ANO6: variants seen among roughly 807,000 people sequenced by gnomAD.
ANO6 encodes anoctamin-6.
Under a neutral mutation model 117.5 loss-of-function variants are expected in ANO6, and 106 were observed. The observed-to-expected ratio is 0.90, with a 90% CI of 0.77 to 1.06. The LOEUF (loss-of-function observed/expected upper bound fraction) is 1.06, where lower values mean the gene tolerates loss of function less well. ANO6 is among the 50% of genes least tolerant of loss of function. The pLI is 0.00. For synonymous variants in ANO6, 367 were observed against 385.1 expected, an observed-to-expected ratio of 0.95 and a Z score of 0.55; for missense variants, 955 against 1,121.1, an observed-to-expected ratio of 0.85 and a Z score of 2.12.
intron 1 of ANO6, among the ~76,000 whole-genome samples, chr12:45,252,488 T>TTTG (rs767980278): frequency 1.3e-5 from 2 of 152,218 alleles, no homozygotes; most frequent in East Asian, 1.9e-4. Flanking sequence ...GGTGGGTTTT[T>TTTG]TTGTTGTTGT....
intron 12 of ANO6, among the ~76,000 whole-genome samples, chr12:45,401,342 T>C (rs1323009486): frequency 2.6e-5 from 4 of 152,198 alleles, no homozygotes; most frequent in Admixed American, 6.5e-5. Flanking sequence ...GCAAAAAACA[T>C]TAACTCACAA....
rs377497485 is a variant in ANO6, at chr12:45,388,121, T to C, written c.1166-40T>C. 1.4e-5 allele frequency: 22 copies of C among 1,611,966 alleles called. No individual in the cohort carries two copies. In the African/African-American group the frequency reaches 2.8e-4, roughly 21 times the overall value. ...GTACAGATTTCTGAAACATCAGTCA[T>C]CATTGAAAATCCACACAAGCTCTTC... On this transcript the variant is annotated intron_variant, in intron 10 of 19. Coordinates refer to ENST00000320560, the MANE Select transcript of ANO6 (RefSeq NM_001025356.3).
chr12:45,292,859 A>G, intron 1 of ANO6: 2 of 1,548,128 alleles, frequency 1.3e-6, no homozygotes, highest in South Asian at 2.4e-5. Flanking sequence ...TAGAGGTAGG[A>G]GGGTAAGAAG....
chr12:45,256,079 C>T (rs1232139500), intron 1 of ANO6, among the ~76,000 whole-genome samples: 2 of 152,164 alleles, frequency 1.3e-5, no homozygotes, highest in East Asian at 1.9e-4. Flanking sequence ...CTGTCTCGGC[C>T]TCCCAAGGTG....
At position 45,229,722 on chromosome 12, in the gene ANO6, T is replaced by C. The variant is rs528731798; in HGVS notation, c.70+13331T>C. Among the ~76,000 whole-genome samples the C allele has an allele frequency of 1.1e-4, 17 of 152,266 alleles. No individual in the cohort carries two copies. The South Asian group carries it at 3.3e-3, about 30-fold the overall frequency. On this transcript the variant is annotated intron_variant, in intron 1 of 19. Coordinates refer to ENST00000320560, the MANE Select transcript of ANO6 (RefSeq NM_001025356.3). The stretch of plus-strand genomic sequence containing the variant: ...TTTTTTTAATTCTACCTCTGTCCCA[T>C]TATTTTCATCAGACAGCTTAGCCTG...
intron 1 of ANO6, chr12:45,256,523 G>T (rs1185403730): frequency 1.4e-5 from 2 of 145,730 alleles, no homozygotes; most frequent in South Asian, 2.3e-4. Flanking sequence ...TTCTAATGTG[G>T]TAAAAAAAAT....
chr12:45,279,238 C>T (rs1345208680), intron 1 of ANO6, among the ~76,000 whole-genome samples: 1 of 152,206 alleles, frequency 6.6e-6, no homozygotes, highest in Non-Finnish European at 1.5e-5. Context: ...TTCAGTCCCA[C>T]TTCCAGAGGA....
chr12:45,249,138 C>A (rs1206116435), intron 1 of ANO6, among the ~76,000 whole-genome samples: 1 of 152,156 alleles, frequency 6.6e-6, no homozygotes, highest in African/African-American at 2.4e-5. Flanking sequence ...ATCTCATTAT[C>A]CCAACTGCTG....
chr12:45,221,528 A>C (rs973698661), intron 1 of ANO6, among the ~76,000 whole-genome samples: 1 of 152,100 alleles, frequency 6.6e-6, no homozygotes, highest in Non-Finnish European at 1.5e-5. Flanking sequence ...TCTGTATGTG[A>C]TTTGGAGCTC....
At chr12:45,288,430 T>C (rs991375828) in intron 1 of ANO6, among the ~76,000 whole-genome samples, 2 of 150,408 alleles carry the variant, frequency 1.3e-5, no homozygotes, top group African/African-American at 5.0e-5. Context: ...CAACCTCCAT[T>C]CTACTTTCTG....
intron 8 of ANO6, among the ~76,000 whole-genome samples, chr12:45,363,513 G>A (rs556891325): frequency 5.3e-5 from 8 of 150,724 alleles, no homozygotes; most frequent in Non-Finnish European, 8.9e-5. Flanking sequence ...GCAGGGAGCC[G>A]AAGTCACGCC....
intron 3 of ANO6, among the ~76,000 whole-genome samples, chr12:45,337,264 C>A (rs898635235): frequency 6.6e-6 from 1 of 152,012 alleles, no homozygotes; most frequent in Non-Finnish European, 1.5e-5. Context: ...AACTGGTATA[C>A]CATCTGTAAA....
chr12:45,216,158 G>T lies in ANO6; in HGVS notation c.-164G>T, dbSNP rs917484671. ...CGGCTCTGGGCTCCGGTCGGTGGGT[G>T]CCTCGGCTCGGCTTTCCCCGGCGCT... On this transcript the variant is annotated 5_prime_UTR_variant, in exon 1 of 20. Coordinates refer to ENST00000320560, the MANE Select transcript of ANO6 (RefSeq NM_001025356.3). 1.5e-5 allele frequency: 11 copies of T among 739,560 alleles called. No homozygotes were observed. The highest frequency in any genetic ancestry group is 7.6e-5 in the Admixed American group (3 of 39,632). 45.8% of individuals were successfully genotyped at this position (739,560 alleles called of 1,614,324 possible). A position where few individuals can be genotyped will look rare whatever the true frequency, so the allele number is the denominator to read the frequency against.
chr12:45,409,700 T>G (rs571946926), intron 16 of ANO6, among the ~76,000 whole-genome samples: 20 of 152,358 alleles, frequency 1.3e-4, no homozygotes, highest in African/African-American at 4.6e-4. Context: ...AGCTAGAAAT[T>G]TATTACTGGG....
At chr12:45,372,054 C>A (rs888397713) in intron 9 of ANO6, among the ~76,000 whole-genome samples, 2 of 151,696 alleles carry the variant, frequency 1.3e-5, no homozygotes, top group Non-Finnish European at 2.9e-5. Flanking sequence ...TCGAGAACTA[C>A]GTGAAGAATG....
intron 7 of ANO6, among the ~76,000 whole-genome samples, chr12:45,352,583 G>T (rs1298511190): frequency 8.7e-6 from 1 of 114,806 alleles, no homozygotes; most frequent in Non-Finnish European, 1.8e-5. Flanking sequence ...AAAAAAAAAA[G>T]CCAGGCACGA....
intron 3 of ANO6, among the ~76,000 whole-genome samples, chr12:45,338,947 T>G (rs2137423193): frequency 6.6e-6 from 1 of 152,222 alleles, no homozygotes; most frequent in East Asian, 1.9e-4. Flanking sequence ...TTCTGATTGC[T>G]CCTCCTGAGG....
At chr12:45,301,993 T>C (rs1212773526) in intron 1 of ANO6, 21 bp from the exon 2 acceptor site, 17 of 1,608,648 alleles carry the variant, frequency 1.1e-5, no homozygotes, top group Non-Finnish European at 1.4e-5. Context: ...TTCATTTGTT[T>C]ATATATTCAT....
At chr12:45,343,291 C>G (rs1166098838) in intron 3 of ANO6, among the ~76,000 whole-genome samples, 1 of 152,156 alleles carries the variant, frequency 6.6e-6, no homozygotes, top group Non-Finnish European at 1.5e-5. Flanking sequence ...ACTGATTCTC[C>G]TACTCTTCTA....
Sources: gnomAD v4.1 joint callset for allele counts (sites outside exome capture counted in the v4.1 genomes callset) on GRCh38, gnomAD v4.1.1 for gene constraint, MANE v1.5 for transcripts, NCBI Gene and HGNC (gene_info 2026-07-23, HGNC 2026-07-21) for gene names.